The following TINAG variants were observed in gnomAD, a reference collection of about 807,000 sequenced individuals.
The protein encoded by TINAG is tubulointerstitial nephritis antigen.
Under a neutral mutation model 72.7 loss-of-function variants are expected in TINAG, and 83 were observed. That is an observed-to-expected ratio of 1.14 (90% CI 0.96 to 1.37). The LOEUF is 1.37. Among genes scored for constraint, TINAG ranks in the 40% most tolerant of loss-of-function variants. TINAG has a pLI of 0.00. For missense variants in TINAG, 685 were observed against 576.6 expected (o/e 1.19, Z -1.93); for synonymous variants, 234 against 189.9 (o/e 1.23, Z -1.91).
chr6:54,338,757 A>C (rs1165335092), intron 4 of TINAG, among the ~76,000 whole-genome samples: 1 of 149,326 alleles, frequency 6.7e-6, no homozygotes, highest in African/African-American at 2.5e-5. Flanking sequence ...TAGTTCATTG[A>C]TCTGCTTCAC....
intron 5 of TINAG, among the ~76,000 whole-genome samples, chr6:54,345,106 A>G (rs1785089817): frequency 6.6e-6 from 1 of 152,158 alleles, no homozygotes; most frequent in Admixed American, 6.6e-5. Flanking sequence ...TTTCACATAC[A>G]TTTGAAGACG....
At chr6:54,345,259 T>C (rs1013549369) in intron 5 of TINAG, among the ~76,000 whole-genome samples, 2 of 152,184 alleles carry the variant, frequency 1.3e-5, no homozygotes, top group Non-Finnish European at 2.9e-5. Flanking sequence ...CAAGTGAATT[T>C]TAGCTAAACC....
intron 10 of TINAG, among the ~76,000 whole-genome samples, chr6:54,384,142 G>A (rs902269930): frequency 8.5e-5 from 13 of 152,144 alleles, no homozygotes; most frequent in African/African-American, 3.1e-4. Flanking sequence ...TCGTAAGTGA[G>A]AGTTGAACAA....
chr6:54,349,988 CTATTA>C (rs1785225954), intron 7 of TINAG, 92 bp downstream of exon 7: 3 of 732,922 alleles, frequency 4.1e-6, no homozygotes, highest in Non-Finnish European at 5.7e-6. Flanking sequence ...CTAATTAAAA[CTATTA>C]TATTCTAAAA....
At position 54,385,947 on chromosome 6, in the gene TINAG, G is replaced by C. The variant is rs568657451; in HGVS notation, c.1297-3844G>C. ...ACTCTGTCGTCCAGGCTGGAGTGCA[G>C]TGTCGTGATCTTGGCTAACTGCATC... is the stretch of plus-strand genomic sequence containing the variant. On this transcript the variant is annotated intron_variant, in intron 10 of 10. Coordinates refer to ENST00000259782, the MANE Select transcript of TINAG (RefSeq NM_014464.4). Among the ~76,000 whole-genome samples, 4 of 134,182 alleles carry C rather than the reference G, an allele frequency of 3.0e-5. No individual in the cohort carries two copies. In the South Asian group the frequency reaches 9.6e-4, roughly 32 times the overall value. The allele number at this position is 134,182 out of a possible 152,430, so 88.0% of individuals were successfully genotyped here.
intron 9 of TINAG, among the ~76,000 whole-genome samples, chr6:54,360,768 A>C (rs1329714581): frequency 1.3e-5 from 2 of 149,450 alleles, no homozygotes; most frequent in African/African-American, 4.9e-5. Flanking sequence ...TTTGTGGAGC[A>C]GAATCTTACT....
intron 1 of TINAG, among the ~76,000 whole-genome samples, chr6:54,320,201 T>C (rs1784457953): frequency 2.0e-5 from 3 of 152,146 alleles, no homozygotes; most frequent in Admixed American, 2.0e-4. Flanking sequence ...TAAGCACTTA[T>C]GAGACTTGAT....
At chr6:54,389,382 T>C (rs62412617) in intron 10 of TINAG, among the ~76,000 whole-genome samples, 1 of 152,186 alleles carries the variant, frequency 6.6e-6, no homozygotes, top group African/African-American at 2.4e-5. Flanking sequence ...ACTTGCCTTA[T>C]GTTGGTCATT....
intron 4 of TINAG, among the ~76,000 whole-genome samples, chr6:54,333,861 T>C (rs1213263860): frequency 2.0e-5 from 3 of 152,140 alleles, no homozygotes; most frequent in African/African-American, 7.2e-5. Flanking sequence ...TCTTCAGACA[T>C]ATATGCCTTG....
intron 3 of TINAG, among the ~76,000 whole-genome samples, chr6:54,324,541 A>G (rs1243343564): frequency 6.6e-6 from 1 of 152,218 alleles, no homozygotes; most frequent in Non-Finnish European, 1.5e-5. Context: ...AGTGAAATAG[A>G]TTCTTTCTTA....
intron 4 of TINAG, among the ~76,000 whole-genome samples, chr6:54,330,208 C>T (rs944433721): frequency 1.3e-5 from 2 of 152,100 alleles, no homozygotes; most frequent in Non-Finnish European, 2.9e-5. Context: ...TAAAATTGAA[C>T]ACATAACTGG....
chr6:54,389,479 A>G (rs1764185192), intron 10 of TINAG, among the ~76,000 whole-genome samples: 1 of 152,186 alleles, frequency 6.6e-6, no homozygotes, highest in African/African-American at 2.4e-5. Flanking sequence ...TGTTGTTCAC[A>G]TAGTAGACAA....
intron 9 of TINAG, among the ~76,000 whole-genome samples, chr6:54,356,498 C>A (rs1169602622): frequency 6.6e-6 from 1 of 151,942 alleles, no homozygotes; most frequent in Non-Finnish European, 1.5e-5. Context: ...AATCTGCACT[C>A]TGGGCAACAG....
At chr6:54,323,257 C>A (rs1389363401) in intron 3 of TINAG, among the ~76,000 whole-genome samples, 1 of 151,662 alleles carries the variant, frequency 6.6e-6, no homozygotes, top group African/African-American at 2.4e-5. Flanking sequence ...ATATAAAAAC[C>A]AAAGGAAAAA....
At position 54,361,159 on chromosome 6, in the gene TINAG, C is replaced by T. The variant is rs531184168; in HGVS notation, c.1250+6523C>T. On this transcript the variant is annotated intron_variant, in intron 9 of 10. Transcript: ENST00000259782. ...CTATCAATGGGGCGTTCTCCCTTCT[C>T]TCTCTTTTCCTTAGGCCTATCTATT... is the stretch of plus-strand genomic sequence containing the variant. Among the ~76,000 whole-genome samples, 5 of 151,462 alleles carry T rather than the reference C, an allele frequency of 3.3e-5. No individual in the cohort carries two copies. In the South Asian group the frequency reaches 1.0e-3, roughly 31 times the overall value.
At chr6:54,382,950 G>A (rs1386468658) in intron 10 of TINAG, among the ~76,000 whole-genome samples, 1 of 152,086 alleles carries the variant, frequency 6.6e-6, no homozygotes, top group Non-Finnish European at 1.5e-5. Flanking sequence ...ATCTTTCCAA[G>A]GTCCAGCTAG....
chr6:54,389,688 A>G (rs1764192617), intron 10 of TINAG, 103 bp from the exon 11 acceptor site: 1 of 1,376,922 alleles, frequency 7.3e-7, no homozygotes, highest in African/African-American at 1.5e-5. Flanking sequence ...ATAGTCTATG[A>G]TAAATCAAAG....
At chr6:54,335,561 A>G (rs77268164) in intron 4 of TINAG, among the ~76,000 whole-genome samples, 2,276 of 152,328 alleles carry the variant, frequency 0.015, 176 homozygotes, top group Admixed American at 0.13. Context: ...GCAGAATAGA[A>G]TCAGAAATAA....
chr6:54,310,076 CGT>C (rs138971244), intron 1 of TINAG, among the ~76,000 whole-genome samples: 1,310 of 127,668 alleles, frequency 0.01, 7 homozygotes, highest in Non-Finnish European at 0.017. Context: ...CTTTTTTTTC[CGT>C]GTGTGTGTGT....
Sources: gnomAD v4.1 joint callset for allele counts (sites outside exome capture counted in the v4.1 genomes callset) on GRCh38, gnomAD v4.1.1 for gene constraint, MANE v1.5 for transcripts, NCBI Gene and HGNC (gene_info 2026-07-23, HGNC 2026-07-21) for gene names.